The following NTM variants were observed in gnomAD, a reference collection of about 807,000 sequenced individuals.
NTM encodes IgLON family member 2.
In NTM, 13 loss-of-function variants were observed where a neutral mutation model predicts 42.1. That is an observed-to-expected ratio of 0.31 (90% CI 0.20 to 0.49). The LOEUF (loss-of-function observed/expected upper bound fraction) is 0.49. Among genes scored for constraint, NTM ranks in the 20% least tolerant of loss-of-function variants. The pLI, the probability that NTM is intolerant of heterozygous loss-of-function variation, is 0.99. For synonymous variants in NTM, 187 were observed against 179.2 expected (o/e 1.04, Z -0.35); for missense variants, 373 against 452.8 (o/e 0.82, Z 1.60).
chr11:131,961,065 C>T (rs1160148113), intron 2 of NTM, among the ~76,000 whole-genome samples: 5 of 152,174 alleles, frequency 3.3e-5, no homozygotes, highest in Non-Finnish European at 7.3e-5. Context: ...CAGATTTAAG[C>T]ATGAGTCCCC....
intron 1 of NTM, among the ~76,000 whole-genome samples, chr11:131,603,780 T>C (rs1414879339): frequency 6.6e-6 from 1 of 152,206 alleles, no homozygotes; most frequent in African/African-American, 2.4e-5. Flanking sequence ...TGGACTCATA[T>C]ACCATGTGGT....
intron 2 of NTM, among the ~76,000 whole-genome samples, chr11:132,113,388 T>C (rs2063483212): frequency 6.6e-6 from 1 of 152,238 alleles, no homozygotes; most frequent in Admixed American, 6.5e-5. Flanking sequence ...ACATCCTGAC[T>C]CTAATTCTCT....
chr11:131,667,731 C>G (rs372457765), intron 1 of NTM, among the ~76,000 whole-genome samples: 3 of 152,216 alleles, frequency 2.0e-5, no homozygotes, highest in Non-Finnish European at 4.4e-5. Flanking sequence ...GAGGGCTTCT[C>G]ACCCTGATCT....
rs191061863 is a variant in NTM, at chr11:132,187,783, G to A, written c.401-24239G>A. ...ACAGGAGCGTGATAGGGTATGTGGC[G>A]CCTCTGTACTTTCTGAGCCTAACAA... is the stretch of plus-strand genomic sequence containing the variant. On this transcript the variant is annotated intron_variant, in intron 3 of 8. Coordinates refer to ENST00000683400, the MANE Select transcript of NTM (RefSeq NM_001352005.2). Among the ~76,000 whole-genome samples, 131 of 152,254 alleles carry A rather than the reference G, an allele frequency of 8.6e-4. 3 individuals are homozygous for A. Among genetic ancestry groups the A allele is most frequent in the African/African-American group, 1.5e-3 (61 of 41,540 alleles).
At chr11:131,733,761 C>T (rs1410318438) in intron 1 of NTM, among the ~76,000 whole-genome samples, 5 of 152,098 alleles carry the variant, frequency 3.3e-5, no homozygotes, top group East Asian at 1.9e-4. Flanking sequence ...TGCTCTCGAA[C>T]CCCTGACCTC....
chr11:131,480,883 G>A (rs1165902049), intron 1 of NTM, among the ~76,000 whole-genome samples: 5 of 152,022 alleles, frequency 3.3e-5, no homozygotes, highest in Non-Finnish European at 5.9e-5. Context: ...ATATTCTGTC[G>A]GTGAAAAATT....
Position 131,746,730 on chromosome 11 carries a change from T to A in NTM, c.83-164834T>A, listed in dbSNP as rs928525645. Among the ~76,000 whole-genome samples, 194 of 152,360 alleles carry A rather than the reference T, an allele frequency of 1.3e-3. 4 individuals carry two copies. The highest frequency in any genetic ancestry group is 6.5e-4 in the Admixed American group (10 of 15,308). ...TAAATGATGGGACATTGCTATTTTT[T>A]TTTCCTGCTTCATATGCTTGGCATT... is the stretch of plus-strand genomic sequence containing the variant. On this transcript the variant is annotated intron_variant, in intron 1 of 8. Transcript: ENST00000683400.
chr11:131,731,704 TCA>T (rs1264942128), intron 1 of NTM, among the ~76,000 whole-genome samples: 3 of 152,178 alleles, frequency 2.0e-5, no homozygotes, highest in Admixed American at 6.5e-5. Flanking sequence ...CAAAGCTTCC[TCA>T]CAGAAGTTCA....
intron 1 of NTM, among the ~76,000 whole-genome samples, chr11:131,518,595 A>T: frequency 6.6e-6 from 1 of 152,208 alleles, no homozygotes; most frequent in East Asian, 1.9e-4. Context: ...CACTGGACTC[A>T]TTCAAAATTG....
intron 2 of NTM, among the ~76,000 whole-genome samples, chr11:131,998,544 G>C (rs887670995): frequency 6.6e-6 from 1 of 152,178 alleles, no homozygotes; most frequent in South Asian, 2.1e-4. Context: ...GTAGCTGGTT[G>C]ACTTTTTTTT....
At chr11:132,248,395 G>T (rs967587411) in intron 4 of NTM, among the ~76,000 whole-genome samples, 1 of 145,400 alleles carries the variant, frequency 6.9e-6, no homozygotes, top group Non-Finnish European at 1.5e-5. Context: ...AGCCCTTGAG[G>T]TTTTTTTTTT....
intron 4 of NTM, among the ~76,000 whole-genome samples, chr11:132,217,746 A>G (rs541053891): frequency 1.3e-5 from 2 of 152,128 alleles, no homozygotes; most frequent in Admixed American, 1.3e-4. Context: ...TCCAGTGGAC[A>G]TTTGACTGCC....
chr11:131,647,354 G>C (rs2739278), intron 1 of NTM, among the ~76,000 whole-genome samples: 28,921 of 152,182 alleles, frequency 0.19, 2,874 homozygotes, highest in South Asian at 0.24. Flanking sequence ...AGAGTGCCAG[G>C]CATGGAACAG....
At chr11:132,242,487 G>T (rs1371356135) in intron 4 of NTM, among the ~76,000 whole-genome samples, 4 of 152,220 alleles carry the variant, frequency 2.6e-5, no homozygotes, top group Admixed American at 6.5e-5. Flanking sequence ...AAGAAGAGGT[G>T]TCATTTGGGC....
rs1482200437 is a variant in NTM, at chr11:132,003,068, AAGATGC to A, written c.167+91421_167+91426del. 1.3e-5 allele frequency among the ~76,000 whole-genome samples: 2 copies of A among 152,154 alleles called. No homozygotes were observed. Among genetic ancestry groups the A allele is most frequent in the African/African-American group, 4.8e-5 (2 of 41,420 alleles). ...GTAACTAGTGAGCGCACTAAACAGT[AAGATGC>A]GCTGCCACAGTTGTGTGTGTAATTG... On this transcript the variant is annotated intron_variant, in intron 2 of 8. Transcript: ENST00000683400. This position sits in a 1 kb window ranked among gnomAD's most constrained non-coding sequence, Gnocchi z 6.0.
At chr11:131,884,704 G>A (rs1004272625) in intron 1 of NTM, among the ~76,000 whole-genome samples, 7 of 152,140 alleles carry the variant, frequency 4.6e-5, no homozygotes, top group African/African-American at 7.2e-5. Flanking sequence ...ATGGAAAGGG[G>A]GCCATTCGGG....
intron 1 of NTM, among the ~76,000 whole-genome samples, chr11:131,686,191 T>C (rs1451038565): frequency 1.3e-5 from 2 of 152,226 alleles, no homozygotes; most frequent in East Asian, 3.8e-4. Context: ...GGAACTACAG[T>C]TGACCCTCAA....
chr11:131,841,982 TG>T (rs137891537), intron 1 of NTM, among the ~76,000 whole-genome samples: 2,768 of 152,302 alleles, frequency 0.018, 78 homozygotes, highest in African/African-American at 0.063. Flanking sequence ...AATTCAAATT[TG>T]TTTCCCCACT....
intron 1 of NTM, among the ~76,000 whole-genome samples, chr11:131,802,971 C>T (rs1306151846): frequency 3.9e-5 from 6 of 152,150 alleles, no homozygotes; most frequent in Non-Finnish European, 7.4e-5. Flanking sequence ...CAGATGCAGC[C>T]CAGCTCCAGA....
Sources: allele counts gnomAD v4.1 joint callset (sites outside exome capture counted in the v4.1 genomes callset), GRCh38; gene constraint gnomAD v4.1.1; non-coding constraint Gnocchi (gnomAD v3.1); transcripts MANE v1.5; gene names NCBI Gene and HGNC (gene_info 2026-07-23, HGNC 2026-07-21).